RBFOX1: variants seen among roughly 807,000 people sequenced by gnomAD.
RBFOX1 encodes RNA binding fox-1 homolog 1, also known as RNA binding protein fox-1 homolog 1.
In RBFOX1, 8 loss-of-function variants were observed where a neutral mutation model predicts 57.7. That is an observed-to-expected ratio of 0.14 (90% CI 0.08 to 0.25). The LOEUF is 0.25. Among genes scored for constraint, RBFOX1 ranks in the 10% least tolerant of loss-of-function variants. RBFOX1 has a pLI of 1.00. For synonymous variants in RBFOX1, 326 were observed against 222.4 expected (o/e 1.47, Z -4.15); for missense variants, 611 against 548.5 (o/e 1.11, Z -1.14).
At chr16:7,102,624 C>T (rs2062881535) in intron 4 of RBFOX1, among the ~76,000 whole-genome samples, 1 of 152,164 alleles carries the variant, frequency 6.6e-6, no homozygotes, top group Non-Finnish European at 1.5e-5. Flanking sequence ...TTGCACTTGT[C>T]ACCTTGAAAT....
intron 3 of RBFOX1, among the ~76,000 whole-genome samples, chr16:7,013,984 G>A (rs372010491): frequency 2.6e-5 from 4 of 152,072 alleles, no homozygotes; most frequent in Non-Finnish European, 4.4e-5. Context: ...TATTCCGTAC[G>A]TCAGTATTCT....
chr16:6,993,749 G>T lies in RBFOX1; in HGVS notation c.-15-58308G>T, dbSNP rs989995126. Among the ~76,000 whole-genome samples, 14 of 152,214 alleles carry T rather than the reference G, an allele frequency of 9.2e-5. No homozygotes were observed. In the East Asian group the frequency reaches 1.4e-3, roughly 15 times the overall value. On this transcript the variant is annotated intron_variant, in intron 3 of 15. Coordinates refer to ENST00000550418, the MANE Select transcript of RBFOX1 (RefSeq NM_018723.4). Reference sequence around the variant, plus strand: ...GTTTGGCAGCAGCCCAGCTCCATGGGCATGGGGCAGGGGAGATCATAAATC... The same window carrying T: ...GTTTGGCAGCAGCCCAGCTCCATGGTCATGGGGCAGGGGAGATCATAAATC...
intron 3 of RBFOX1, among the ~76,000 whole-genome samples, chr16:6,956,628 C>G (rs921565404): frequency 5.3e-5 from 8 of 152,278 alleles, no homozygotes; most frequent in Non-Finnish European, 7.4e-5. Context: ...GCCCGTCTTC[C>G]CTTCTTGTGC....
chr16:7,350,026 A>C lies in RBFOX1; in HGVS notation c.28-168121A>C, dbSNP rs2097098908. On this transcript the variant is annotated intron_variant, in intron 4 of 15. Transcript: ENST00000550418. ...AGCTGGCATGATGGCGCATGCCTGT[A>C]GTTTCAGTTCCTTGGGTGGCTGAGG... is the stretch of plus-strand genomic sequence containing the variant. 2.0e-5 allele frequency among the ~76,000 whole-genome samples: 3 copies of C among 152,232 alleles called. No homozygotes were observed. In the South Asian group the frequency reaches 6.2e-4, roughly 32 times the overall value.
At chr16:6,651,290 C>G (rs778636611) in intron 2 of RBFOX1, among the ~76,000 whole-genome samples, 1 of 152,192 alleles carries the variant, frequency 6.6e-6, no homozygotes, top group East Asian at 1.9e-4. Context: ...GGCTACAGAC[C>G]GTGCAACGGC....
At chr16:7,401,211 T>A (rs532593443) in intron 4 of RBFOX1, among the ~76,000 whole-genome samples, 23 of 152,328 alleles carry the variant, frequency 1.5e-4, no homozygotes, top group African/African-American at 5.3e-4. Flanking sequence ...ACACAGTAGT[T>A]GGCGTAAAAC....
intron 3 of RBFOX1, among the ~76,000 whole-genome samples, chr16:6,955,870 TA>T (rs370391936): frequency 7.3e-3 from 1,113 of 151,894 alleles, no homozygotes; most frequent in African/African-American, 0.025. Context: ...CATGCTCAGC[TA>T]AATTTTGTAA....
chr16:5,242,458 C>T (rs186181545), intron 1 of RBFOX1, among the ~76,000 whole-genome samples: 91 of 142,376 alleles, frequency 6.4e-4, no homozygotes, highest in Non-Finnish European at 1.1e-3. Flanking sequence ...CCACAGTGCC[C>T]GCCAGACACA....
chr16:5,558,303 G>A (rs1007085825), intron 2 of RBFOX1, among the ~76,000 whole-genome samples: 1 of 152,146 alleles, frequency 6.6e-6, no homozygotes, highest in Non-Finnish European at 1.5e-5. Context: ...CACGCCTACT[G>A]GGCTTTGGGA....
At chr16:6,248,148 A>C (rs2097580018) in intron 1 of RBFOX1, among the ~76,000 whole-genome samples, 1 of 152,202 alleles carries the variant, frequency 6.6e-6, no homozygotes, top group Non-Finnish European at 1.5e-5. Context: ...GCTGACCTTA[A>C]GTTGCGCCTG....
At chr16:7,150,055 G>C (rs563890146) in intron 4 of RBFOX1, among the ~76,000 whole-genome samples, 1 of 152,228 alleles carries the variant, frequency 6.6e-6, no homozygotes, top group Non-Finnish European at 1.5e-5. Flanking sequence ...GAAGCTATCT[G>C]TGAACCTCCT....
chr16:5,271,769 C>T (rs4786018), intron 1 of RBFOX1, among the ~76,000 whole-genome samples: 46,422 of 151,980 alleles, frequency 0.31, 7,468 homozygotes, highest in South Asian at 0.42. Flanking sequence ...TGCGCCCCAG[C>T]CCCTGATAAC....
intron 4 of RBFOX1, among the ~76,000 whole-genome samples, chr16:7,353,088 C>T (rs1033525417): frequency 2.0e-5 from 3 of 152,104 alleles, no homozygotes; most frequent in Non-Finnish European, 4.4e-5. Flanking sequence ...TAAAGCCATA[C>T]CTTTGACCAG....
chr16:6,922,553 C>G (rs2074705834), intron 3 of RBFOX1, among the ~76,000 whole-genome samples: 1 of 152,098 alleles, frequency 6.6e-6, no homozygotes, highest in Non-Finnish European at 1.5e-5. Flanking sequence ...GTTTTCATTT[C>G]CAGGAGACAG....
At chr16:7,073,936 A>C (rs1350763217) in intron 4 of RBFOX1, among the ~76,000 whole-genome samples, 1 of 152,184 alleles carries the variant, frequency 6.6e-6, no homozygotes, top group East Asian at 1.9e-4. Context: ...AGTGTTTGGC[A>C]AGCCACAGTT....
intron 1 of RBFOX1, among the ~76,000 whole-genome samples, chr16:5,360,756 T>G (rs1034006460): frequency 2.6e-5 from 4 of 152,210 alleles, no homozygotes; most frequent in African/African-American, 9.6e-5. Flanking sequence ...TGTCAACAGC[T>G]GAAACTGTCT....
intron 2 of RBFOX1, among the ~76,000 whole-genome samples, chr16:5,534,882 T>G (rs1276947215): frequency 6.6e-6 from 1 of 152,174 alleles, no homozygotes; most frequent in African/African-American, 2.4e-5. Context: ...ACAAGAAAGA[T>G]GCTACAGATA....
chr16:7,067,523 T>C (rs1373329359), intron 4 of RBFOX1, among the ~76,000 whole-genome samples: 5 of 151,908 alleles, frequency 3.3e-5, no homozygotes, highest in African/African-American at 1.2e-4. Context: ...CCCTGTTTTC[T>C]TTTTTTGTTT....
intron 1 of RBFOX1, among the ~76,000 whole-genome samples, chr16:5,261,883 C>G (rs185308662): frequency 1.5e-3 from 224 of 152,260 alleles, no homozygotes; most frequent in African/African-American, 4.9e-3. Context: ...CCCCCTTTCC[C>G]TGGCCTCTTG....
Sources: gnomAD v4.1 joint callset for allele counts (sites outside exome capture counted in the v4.1 genomes callset) on GRCh38, gnomAD v4.1.1 for gene constraint, MANE v1.5 for transcripts, NCBI Gene and HGNC (gene_info 2026-07-23, HGNC 2026-07-21) for gene names.